Variants in SORCS2 observed in about 807,000 individuals in gnomAD.
SORCS2 encodes the protein VPS10 domain-containing receptor SorCS2.
A neutral mutation model predicts 141.6 loss-of-function variants in SORCS2; 100 were observed. The observed-to-expected ratio is 0.71, with a 90% CI of 0.60 to 0.83. The LOEUF (loss-of-function observed/expected upper bound fraction) is 0.83. Ranked by LOEUF, SORCS2 falls within the 40% of genes least tolerant of loss-of-function variation. The pLI, the probability that SORCS2 is intolerant of heterozygous loss-of-function variation, is 0.00. For synonymous variants in SORCS2, 789 were observed against 676.9 expected (o/e 1.17, Z -2.57); for missense variants, 1,646 against 1,560.2 (o/e 1.05, Z -0.93).
Position 7,728,280 on chromosome 4 carries a change from C to T in SORCS2, c.2870-70C>T, listed in dbSNP as rs561292177. On this transcript the variant is annotated intron_variant, in intron 21 of 26. Transcript: ENST00000507866. ...ATCCAGGGCATGTGGCTGCCCCCGA[C>T]CCCCACCCTGGAGCCGTCAGAGCCA... The T allele has an allele frequency of 8.5e-6, 10 of 1,176,740 alleles. No homozygotes were observed. In the African/African-American group the frequency reaches 1.2e-4, roughly 14 times the overall value. 72.9% of individuals were successfully genotyped at this position (1,176,740 alleles called of 1,614,324 possible).
intron 1 of SORCS2, among the ~76,000 whole-genome samples, chr4:7,320,329 G>T (rs554128132): frequency 6.6e-6 from 1 of 152,318 alleles, no homozygotes; most frequent in Admixed American, 6.5e-5. Flanking sequence ...ATAGGTGATT[G>T]TGTGCCTTCT....
chr4:7,605,898 C>T (rs1718028981), intron 3 of SORCS2, among the ~76,000 whole-genome samples: 1 of 152,190 alleles, frequency 6.6e-6, no homozygotes, highest in South Asian at 2.1e-4. Flanking sequence ...CCAAAGCCCA[C>T]AGACAGTCCC....
chr4:7,576,327 A>T (rs535379079), intron 3 of SORCS2, among the ~76,000 whole-genome samples: 1 of 152,356 alleles, frequency 6.6e-6, no homozygotes. Context: ...CCTAAAGATA[A>T]GAGCACCCTT....
chr4:7,634,936 G>A (rs979179914), intron 3 of SORCS2, among the ~76,000 whole-genome samples: 1 of 152,198 alleles, frequency 6.6e-6, no homozygotes, highest in African/African-American at 2.4e-5. Flanking sequence ...CAGCGTGCCT[G>A]GCCAGCCCTC....
At chr4:7,528,280 G>A (rs1733824380) in intron 2 of SORCS2, among the ~76,000 whole-genome samples, 1 of 152,184 alleles carries the variant, frequency 6.6e-6, no homozygotes, top group South Asian at 2.1e-4. Flanking sequence ...ATGAATGGGT[G>A]AGTGGGTGAA....
At chr4:7,724,784 C>G (rs28676607) in intron 19 of SORCS2, among the ~76,000 whole-genome samples, 97 of 6,398 alleles carry the variant, frequency 0.015, no homozygotes, top group Admixed American at 0.029. Context: ...GGTGATGGTG[C>G]TGGTGAGGAT....
intron 2 of SORCS2, among the ~76,000 whole-genome samples, chr4:7,470,571 C>A (rs973222987): frequency 6.6e-6 from 1 of 152,164 alleles, no homozygotes; most frequent in Non-Finnish European, 1.5e-5. Flanking sequence ...AAGGAGAACC[C>A]GGTAGCTGCT....
chr4:7,644,341 G>A (rs1331293864), intron 4 of SORCS2, among the ~76,000 whole-genome samples: 1 of 152,142 alleles, frequency 6.6e-6, no homozygotes, highest in African/African-American at 2.4e-5. Context: ...GAGTCCAGCT[G>A]CTGCCTTCAC....
At chr4:7,209,621 G>A (rs910650066) in intron 1 of SORCS2, among the ~76,000 whole-genome samples, 3 of 152,108 alleles carry the variant, frequency 2.0e-5, no homozygotes, top group Non-Finnish European at 4.4e-5. Context: ...GAGCAGTCAG[G>A]CACAGAGTTC....
At chr4:7,232,495 T>C (rs1383259385) in intron 1 of SORCS2, among the ~76,000 whole-genome samples, 2 of 152,158 alleles carry the variant, frequency 1.3e-5, no homozygotes, top group Non-Finnish European at 2.9e-5. Context: ...GGATTTATTC[T>C]TTTCATCATC....
intron 4 of SORCS2, among the ~76,000 whole-genome samples, chr4:7,640,333 GGTGT>G (rs1395363474): frequency 2.8e-5 from 4 of 144,692 alleles, no homozygotes; most frequent in Non-Finnish European, 6.1e-5. Context: ...AGCATGTGTG[GGTGT>G]GTGAGAGTGT....
At chr4:7,360,098 G>A (rs1721490867) in intron 1 of SORCS2, among the ~76,000 whole-genome samples, 5 of 152,164 alleles carry the variant, frequency 3.3e-5, no homozygotes. Context: ...AGGCCCCTGA[G>A]GCAGATAATT....
intron 3 of SORCS2, among the ~76,000 whole-genome samples, chr4:7,602,143 C>G (rs1020208250): frequency 2.0e-5 from 3 of 152,402 alleles, no homozygotes; most frequent in Admixed American, 1.3e-4. Context: ...CTCGACAAAA[C>G]CGCCATCGTC....
chr4:7,553,151 G>A (rs376862111), intron 3 of SORCS2, among the ~76,000 whole-genome samples: 1 of 152,068 alleles, frequency 6.6e-6, no homozygotes, highest in African/African-American at 2.4e-5. Flanking sequence ...GGCTGGGAGG[G>A]CAACAGAGCC....
rs537047089 is a variant in SORCS2, at chr4:7,269,680, A to G, written c.480+76554A>G. Among the ~76,000 whole-genome samples the G allele has an allele frequency of 2.9e-4, 44 of 152,328 alleles. No individual in the cohort carries two copies. The South Asian group carries it at 6.4e-3, about 22-fold the overall frequency. On this transcript the variant is annotated intron_variant, in intron 1 of 26. Transcript: ENST00000507866. ...GGGAGCCGCCAGAAGCCAGGGTGAG[A>G]GGCCTGAATGGCTTTGTCTCTGAGC...
At chr4:7,388,442 A>G (rs111795872) in intron 1 of SORCS2, among the ~76,000 whole-genome samples, 2,209 of 152,200 alleles carry the variant, frequency 0.015, 25 homozygotes, top group South Asian at 0.032. Context: ...TCTTTATTTT[A>G]TTTGAAAAAT....
In SORCS2 at chr4:7,193,145, C is replaced by G. The variant is rs1560447126; in HGVS notation, c.480+19C>G. On this transcript the variant is annotated intron_variant, in intron 1 of 26. Coordinates refer to ENST00000507866, the MANE Select transcript of SORCS2 (RefSeq NM_020777.3). The surrounding 1 kb of genome is among the most constrained non-coding windows in gnomAD (Gnocchi z 4.8). ...CAGCAGCGTAAGTGACCTCCACGCG[C>G]TCGCCGCGGCCCCTACCCGGGACAC... The G allele has an allele frequency of 2.0e-6, 3 of 1,502,776 alleles. No individual in the cohort carries two copies. Among genetic ancestry groups the G allele is most frequent in the Non-Finnish European group, 1.8e-6 (2 of 1,135,478 alleles). The allele number at this position is 1,502,776 out of a possible 1,614,324, so 93.1% of individuals were successfully genotyped here.
At chr4:7,403,989 ATATATATAT>A (rs1216714606) in intron 2 of SORCS2, among the ~76,000 whole-genome samples, 65 of 7,758 alleles carry the variant, frequency 8.4e-3, no homozygotes, top group African/African-American at 0.013. Context: ...ATATATATAT[ATATATATAT>A]TTTTTTTTTT....
At chr4:7,340,984 G>T (rs945018067) in intron 1 of SORCS2, among the ~76,000 whole-genome samples, 1 of 152,250 alleles carries the variant, frequency 6.6e-6, no homozygotes, top group Non-Finnish European at 1.5e-5. Context: ...GGCCAGAGCA[G>T]CTGGAACAAA....
Sources: gnomAD v4.1 joint callset for allele counts (sites outside exome capture counted in the v4.1 genomes callset) on GRCh38, gnomAD v4.1.1 for gene constraint, Gnocchi (gnomAD v3.1) non-coding constraint, MANE v1.5 for transcripts, NCBI Gene and HGNC (gene_info 2026-07-23, HGNC 2026-07-21) for gene names.